Variants in MYO3B observed in about 807,000 individuals in gnomAD.
MYO3B encodes myosin-IIIb.
In MYO3B, 156 loss-of-function variants were observed where a neutral mutation model predicts 174.6. The observed-to-expected ratio is 0.89, with a 90% confidence interval of 0.78 to 1.02. The LOEUF (loss-of-function observed/expected upper bound fraction) is 1.02, where lower values mean the gene tolerates loss of function less well. MYO3B is among the 50% of genes least tolerant of loss of function. The probability of loss-of-function intolerance (pLI) is 0.00; values close to 1 mark genes in which losing one functional copy is unlikely to be tolerated. For missense variants in MYO3B, 1,632 were observed against 1,639.4 expected (o/e 1.00, Z 0.08); for synonymous variants, 563 against 569.1 (o/e 0.99, Z 0.15).
intron 32 of MYO3B, among the ~76,000 whole-genome samples, chr2:170,649,404 A>T (rs1442958710): frequency 3.1e-5 from 4 of 127,616 alleles, no homozygotes; most frequent in African/African-American, 1.2e-4. Flanking sequence ...TATAAAATAT[A>T]AAATATTACA....
intron 5 of MYO3B, among the ~76,000 whole-genome samples, chr2:170,215,490 A>G (rs1221722753): frequency 6.6e-6 from 1 of 152,214 alleles, no homozygotes; most frequent in Admixed American, 6.5e-5. Flanking sequence ...CTTCTAAATG[A>G]GTTCAGCAAT....
intron 7 of MYO3B, among the ~76,000 whole-genome samples, chr2:170,270,314 G>A (rs1031241997): frequency 6.6e-6 from 1 of 152,160 alleles, no homozygotes; most frequent in Admixed American, 6.5e-5. Flanking sequence ...AGTGTGCTCC[G>A]TAGTTGTAAG....
intron 7 of MYO3B, among the ~76,000 whole-genome samples, chr2:170,280,430 A>G (rs2093499455): frequency 6.6e-6 from 1 of 151,934 alleles, no homozygotes; most frequent in Admixed American, 6.6e-5. Context: ...TACTCTGCTG[A>G]TAGTTTCTTT....
At chr2:170,288,318 G>A (rs1206617372) in intron 7 of MYO3B, among the ~76,000 whole-genome samples, 1 of 151,698 alleles carries the variant, frequency 6.6e-6, no homozygotes, top group Non-Finnish European at 1.5e-5. Context: ...TTTGAGTAGT[G>A]TTGTCATTTT....
chr2:170,229,982 G>A (rs2092996268), intron 6 of MYO3B, among the ~76,000 whole-genome samples: 1 of 151,980 alleles, frequency 6.6e-6, no homozygotes, highest in Admixed American at 6.6e-5. Context: ...AGTTGGGAAG[G>A]GAATTTCATT....
chr2:170,312,971 G>A (rs78172785), intron 7 of MYO3B, among the ~76,000 whole-genome samples: 82 of 152,216 alleles, frequency 5.4e-4, no homozygotes, highest in African/African-American at 1.8e-3. Context: ...ATATAATCAT[G>A]GTGTTTTATT....
At chr2:170,221,352 T>C (rs1282458279) in intron 6 of MYO3B, among the ~76,000 whole-genome samples, 2 of 152,198 alleles carry the variant, frequency 1.3e-5, no homozygotes, top group African/African-American at 4.8e-5. Context: ...TTTTTTCCCT[T>C]TTTTATTTCC....
chr2:170,279,756 G>A (rs1199806389), intron 7 of MYO3B, among the ~76,000 whole-genome samples: 2 of 152,104 alleles, frequency 1.3e-5, no homozygotes, highest in Non-Finnish European at 2.9e-5. Flanking sequence ...CTAGAATAAT[G>A]GCCTCCAGCT....
At chr2:170,250,186 A>G (rs898854894) in intron 7 of MYO3B, among the ~76,000 whole-genome samples, 27 of 152,258 alleles carry the variant, frequency 1.8e-4, no homozygotes, top group Admixed American at 5.9e-4. Context: ...CAGATCAGAA[A>G]GATAAACCAC....
At chr2:170,416,352 G>A (rs1252749422) in intron 22 of MYO3B, among the ~76,000 whole-genome samples, 21 of 151,902 alleles carry the variant, frequency 1.4e-4, no homozygotes, top group Admixed American at 2.6e-4. Flanking sequence ...GTGAAACCCC[G>A]TCTCTACTAA....
chr2:170,596,118 G>T (rs1473266688), intron 32 of MYO3B, among the ~76,000 whole-genome samples: 3 of 152,164 alleles, frequency 2.0e-5, no homozygotes, highest in Non-Finnish European at 2.9e-5. Context: ...AGGAATGGTT[G>T]CCATTAGGGC....
chr2:170,307,097 G>T (rs189306756), intron 7 of MYO3B, among the ~76,000 whole-genome samples: 67 of 151,986 alleles, frequency 4.4e-4, no homozygotes, highest in Non-Finnish European at 8.8e-5. Flanking sequence ...GAAAAAATTA[G>T]CTGAGTGTGA....
intron 22 of MYO3B, among the ~76,000 whole-genome samples, chr2:170,409,304 G>C (rs533115066): frequency 2.6e-5 from 4 of 152,318 alleles, no homozygotes; most frequent in African/African-American, 9.6e-5. Context: ...AACTGCGGGA[G>C]GAACAGGAAC....
chr2:170,607,478 T>C (rs1296392462), intron 32 of MYO3B, among the ~76,000 whole-genome samples: 1 of 152,220 alleles, frequency 6.6e-6, no homozygotes, highest in Non-Finnish European at 1.5e-5. Flanking sequence ...ACACTCTAGT[T>C]TCTATCTACA....
chr2:170,278,814 C>T (rs1174049952), intron 7 of MYO3B, among the ~76,000 whole-genome samples: 1 of 152,084 alleles, frequency 6.6e-6, no homozygotes, highest in Non-Finnish European at 1.5e-5. Flanking sequence ...AACTATTCTT[C>T]TACTCTCTAC....
rs1690934481 is a variant in MYO3B, at chr2:170,551,713, C to T, written c.3733+7725C>T. 2.0e-5 allele frequency among the ~76,000 whole-genome samples: 3 copies of T among 152,222 alleles called. 1 individual carries two copies. The highest frequency in any genetic ancestry group is 2.1e-4 in the South Asian group (1 of 4,820). On this transcript the variant is annotated intron_variant, in intron 32 of 34. Transcript: ENST00000408978. ...AAGCTTAATTTATATTAATCATATACTTTTTCTGTTTTGCTTAAGTGACTG... is the reference window on the plus strand; with the variant it reads ...AAGCTTAATTTATATTAATCATATATTTTTTCTGTTTTGCTTAAGTGACTG...
chr2:170,299,291 T>C (rs1348401660), intron 7 of MYO3B, among the ~76,000 whole-genome samples: 1 of 152,134 alleles, frequency 6.6e-6, no homozygotes, highest in Non-Finnish European at 1.5e-5. Context: ...AAATGCCTGA[T>C]TGATTGATTA....
At chr2:170,580,346 C>A (rs1693051220) in intron 32 of MYO3B, among the ~76,000 whole-genome samples, 1 of 152,108 alleles carries the variant, frequency 6.6e-6, no homozygotes, top group Non-Finnish European at 1.5e-5. Context: ...TTCTTAAAAG[C>A]AAGTGCTCAG....
At chr2:170,228,256 G>A (rs2092973633) in intron 6 of MYO3B, among the ~76,000 whole-genome samples, 2 of 152,164 alleles carry the variant, frequency 1.3e-5, no homozygotes, top group African/African-American at 4.8e-5. Flanking sequence ...GTTTGCTCCT[G>A]CTTTGGTCAT....
Sources: gnomAD v4.1 joint callset for allele counts (sites outside exome capture counted in the v4.1 genomes callset) on GRCh38, gnomAD v4.1.1 for gene constraint, MANE v1.5 for transcripts, NCBI Gene and HGNC (gene_info 2026-07-23, HGNC 2026-07-21) for gene names.